Variants in SH3RF3 observed in about 807,000 individuals in gnomAD.
SH3RF3 encodes SH3 domain containing ring finger 3, also known as E3 ubiquitin-protein ligase SH3RF3.
Under a neutral mutation model 66.3 loss-of-function variants are expected in SH3RF3, and 29 were observed. The ratio of observed to expected loss-of-function variants is 0.44; its 90% CI spans 0.33 to 0.60. The LOEUF (loss-of-function observed/expected upper bound fraction) is 0.60. Among genes scored for constraint, SH3RF3 ranks in the 20% least tolerant of loss-of-function variants. The pLI, the probability that SH3RF3 is intolerant of heterozygous loss-of-function variation, is 0.04. For missense variants in SH3RF3, 1,194 were observed against 1,190.9 expected (o/e 1.00, Z -0.04); for synonymous variants, 583 against 532.0 (o/e 1.10, Z -1.32).
intron 4 of SH3RF3, among the ~76,000 whole-genome samples, chr2:109,413,977 G>A (rs1468494896): frequency 6.6e-6 from 1 of 152,222 alleles, no homozygotes; most frequent in Non-Finnish European, 1.5e-5. Flanking sequence ...AGACCAGTGG[G>A]TCCTTCTAGG....
Position 109,189,908 on chromosome 2 carries a change from T to A in SH3RF3, c.573+59795T>A, listed in dbSNP as rs1168034895. On this transcript the variant is annotated intron_variant, in intron 1 of 9. Coordinates refer to ENST00000309415, the MANE Select transcript of SH3RF3 (RefSeq NM_001099289.3). ...TTGGAGCGATCATACTTTCTGCACTTGATTGCCTAATGGATGCCTCCATGA... is the reference window on the plus strand; with the variant it reads ...TTGGAGCGATCATACTTTCTGCACTAGATTGCCTAATGGATGCCTCCATGA... 2.0e-5 allele frequency among the ~76,000 whole-genome samples: 3 copies of A among 152,172 alleles called. No individual in the cohort carries two copies. In the East Asian group the frequency reaches 5.8e-4, roughly 29 times the overall value.
At position 109,501,619 on chromosome 2, in the gene SH3RF3, A is replaced by G. The variant is rs780568152; in HGVS notation, c.2597A>G (p.Gln866Arg). The G allele has an allele frequency of 1.3e-6, 1 of 778,724 alleles. No individual in the cohort carries two copies. Among genetic ancestry groups the G allele is most frequent in the Non-Finnish European group, 2.4e-6 (1 of 417,182 alleles). 48.2% of individuals were successfully genotyped at this position (778,724 alleles called of 1,614,324 possible). A position where few individuals can be genotyped will look rare whatever the true frequency, so the allele number is the denominator to read the frequency against. Residue 866 changes from glutamine to arginine, a missense_variant, in exon 10 of 10, where the codon CAG becomes CGG. Transcript: ENST00000309415. ...GACGGCTGGTACAAGGGGACCCTGC[A>G]GCGGAACGGCCGCACAGGCCTCTTC... is the stretch of plus-strand genomic sequence containing the variant. Reference protein sequence around the residue: ...REDGWYKGTLQRNGRTGLFPG... With the variant: ...REDGWYKGTLRRNGRTGLFPG...
chr2:109,241,474 T>C (rs1246792764), intron 1 of SH3RF3, among the ~76,000 whole-genome samples: 1 of 152,152 alleles, frequency 6.6e-6, no homozygotes, highest in African/African-American at 2.4e-5. Context: ...CTTTATATCT[T>C]TTGAAATTTC....
intron 3 of SH3RF3, among the ~76,000 whole-genome samples, chr2:109,378,480 C>G (rs1683441466): frequency 6.6e-6 from 1 of 152,194 alleles, no homozygotes; most frequent in Non-Finnish European, 1.5e-5. Context: ...GCTTATGGAG[C>G]TGTGTGATGC....
At chr2:109,374,635 C>T (rs1683341872) in intron 3 of SH3RF3, among the ~76,000 whole-genome samples, 1 of 152,176 alleles carries the variant, frequency 6.6e-6, no homozygotes, top group African/African-American at 2.4e-5. Context: ...ATGCTTGTCC[C>T]CTGGTGCAAG....
chr2:109,371,515 C>A, intron 2 of SH3RF3, 71 bp from the exon 3 acceptor site: 1 of 1,309,196 alleles, frequency 7.6e-7, no homozygotes, highest in Non-Finnish European at 1.1e-6. Flanking sequence ...CAGTACTAAC[C>A]AGTGTCTTGC....
intron 1 of SH3RF3, among the ~76,000 whole-genome samples, chr2:109,245,138 G>C (rs12994116): frequency 1.3e-5 from 2 of 152,116 alleles, no homozygotes; most frequent in Admixed American, 6.5e-5. Context: ...ACCATCTCAC[G>C]GGAAGCTCCC....
At chr2:109,196,172 CAGA>C (rs1248236126) in intron 1 of SH3RF3, among the ~76,000 whole-genome samples, 1 of 152,220 alleles carries the variant, frequency 6.6e-6, no homozygotes, top group Non-Finnish European at 1.5e-5. Context: ...TTGGCCATGG[CAGA>C]GCTGCAGCCT....
At chr2:109,173,189 C>G (rs1434459978) in intron 1 of SH3RF3, among the ~76,000 whole-genome samples, 1 of 152,106 alleles carries the variant, frequency 6.6e-6, no homozygotes, top group Non-Finnish European at 1.5e-5. Context: ...GGAAATCGAA[C>G]ACAGACTGAG....
At chr2:109,351,053 T>C (rs1414512142) in intron 2 of SH3RF3, among the ~76,000 whole-genome samples, 1 of 152,278 alleles carries the variant, frequency 6.6e-6, no homozygotes, top group Non-Finnish European at 1.5e-5. Flanking sequence ...TTCTGCTTTA[T>C]TTCAGAAGAG....
At chr2:109,441,132 C>CAAAAAAAAAAA (rs55649222) in intron 7 of SH3RF3, among the ~76,000 whole-genome samples, 48 of 134,036 alleles carry the variant, frequency 3.6e-4, no homozygotes, top group African/African-American at 1.2e-3. Context: ...TATAGGAATA[C>CAAAAAAAAAAA]AAAAAAAAAA....
At chr2:109,417,030 C>T (rs568710805) in intron 4 of SH3RF3, among the ~76,000 whole-genome samples, 2 of 152,278 alleles carry the variant, frequency 1.3e-5, no homozygotes, top group East Asian at 1.9e-4. Context: ...GCCAGGTCAT[C>T]GAGTGTCAGT....
chr2:109,345,884 C>T (rs1682682164), intron 1 of SH3RF3, among the ~76,000 whole-genome samples: 1 of 152,142 alleles, frequency 6.6e-6, no homozygotes, highest in East Asian at 1.9e-4. Flanking sequence ...GGCAGTGTCC[C>T]TGGTCTTTAC....
At chr2:109,311,869 A>G (rs112276799) in intron 1 of SH3RF3, among the ~76,000 whole-genome samples, 2,741 of 152,158 alleles carry the variant, frequency 0.018, 94 homozygotes, top group African/African-American at 0.063. Flanking sequence ...TAAAGTTTGA[A>G]GTTGTTTTCT....
Position 109,490,893 on chromosome 2 carries a change from A to G in SH3RF3, c.2437A>G (p.Met813Val), listed in dbSNP as rs1273193899. 2.0e-6 allele frequency: 3 copies of G among 1,526,430 alleles called. No homozygotes were observed. Among genetic ancestry groups the G allele is most frequent in the Non-Finnish European group, 2.6e-6 (3 of 1,139,416 alleles). 94.6% of individuals were successfully genotyped at this position (1,526,430 alleles called of 1,614,324 possible). A position where few individuals can be genotyped will look rare whatever the true frequency, so the allele number is the denominator to read the frequency against. The change falls in exon 9 of 10, where the codon ATG (methionine) becomes GTG (valine). Residue 813 changes from methionine to valine, a missense_variant. By Grantham distance (21) the Met-to-Val change is conservative. Coordinates refer to ENST00000309415, the MANE Select transcript of SH3RF3 (RefSeq NM_001099289.3). ...TSPSRQAPLS[M>V]AAIRPEPKLL... ...TCCTTCCCGGCAAGCTCCGCTGTCC[A>G]TGGCTGCCATCCGCCCCGAGCCCAA...
At chr2:109,375,372 A>G (rs955577209) in intron 3 of SH3RF3, among the ~76,000 whole-genome samples, 4 of 152,188 alleles carry the variant, frequency 2.6e-5, no homozygotes, top group Non-Finnish European at 5.9e-5. Flanking sequence ...ACACCTGTTC[A>G]TCAGATGCCA....
intron 3 of SH3RF3, among the ~76,000 whole-genome samples, chr2:109,375,101 G>T (rs113979888): frequency 6.6e-6 from 1 of 152,030 alleles, no homozygotes; most frequent in African/African-American, 2.4e-5. Context: ...AGAAATAATC[G>T]TCTCTCCACA....
chr2:109,224,028 G>A (rs1303905813), intron 1 of SH3RF3, among the ~76,000 whole-genome samples: 3 of 152,156 alleles, frequency 2.0e-5, no homozygotes, highest in Admixed American at 2.0e-4. Context: ...AATAAAATCT[G>A]TCCACATGGC....
intron 8 of SH3RF3, among the ~76,000 whole-genome samples, chr2:109,474,957 T>G (rs1407367502): frequency 1.3e-5 from 2 of 152,164 alleles, no homozygotes; most frequent in South Asian, 2.1e-4. Context: ...TCTTTTGTTT[T>G]GTTTGGGTTT....
Sources: allele counts gnomAD v4.1 joint callset (sites outside exome capture counted in the v4.1 genomes callset), GRCh38; gene constraint gnomAD v4.1.1; transcripts MANE v1.5; gene names NCBI Gene and HGNC (gene_info 2026-07-23, HGNC 2026-07-21).